GBF1: variants seen among roughly 807,000 people sequenced by gnomAD.
GBF1 encodes golgi brefeldin A resistant guanine nucleotide exchange factor 1.
A neutral mutation model predicts 210.5 loss-of-function variants in GBF1; 114 were observed. That is an observed-to-expected ratio of 0.54 (90% CI 0.47 to 0.63). GBF1 has a LOEUF of 0.63. GBF1 is among the 30% of genes least tolerant of loss of function. The pLI is 0.00. For synonymous variants in GBF1, 850 were observed against 889.2 expected (o/e 0.96, Z 0.78); for missense variants, 1,851 against 2,357.7 (o/e 0.79, Z 4.45).
chr10:102,370,185 A>C lies in GBF1; in HGVS notation c.3351A>C (p.Pro1117=). ...VALECIKQCD[P]EKMITESKFL... ...TTTGCCCTCTCTAGCAATGTGACCCAGAAAAAATGATCACAGAAAGCAAGT... is the reference window on the plus strand; with the variant it reads ...TTTGCCCTCTCTAGCAATGTGACCCCGAAAAAATGATCACAGAAAGCAAGT... Residue 1117 remains proline (P), a synonymous_variant, in exon 27 of 40, where the codon CCA becomes CCC. Transcript: ENST00000369983. 6.2e-7 allele frequency: 1 copy of C among 1,611,624 alleles called. No homozygotes were observed. Among genetic ancestry groups the C allele is most frequent in the Non-Finnish European group, 8.5e-7 (1 of 1,177,698 alleles).
intron 3 of GBF1, among the ~76,000 whole-genome samples, chr10:102,318,894 C>G (rs114363793): frequency 0.014 from 2,111 of 152,336 alleles, 45 homozygotes; most frequent in African/African-American, 0.049. Flanking sequence ...ATTATCACCC[C>G]ATTTGGTTAA....
At chr10:102,376,505 G>A in intron 31 of GBF1, 55 bp from the exon 32 acceptor site, 1 of 1,611,914 alleles carries the variant, frequency 6.2e-7, no homozygotes, top group Non-Finnish European at 8.5e-7. Flanking sequence ...TCCTCTGCAA[G>A]GACATTCACA....
intron 3 of GBF1, among the ~76,000 whole-genome samples, chr10:102,318,531 G>A (rs1327214232): frequency 2.0e-5 from 3 of 152,110 alleles, no homozygotes; most frequent in East Asian, 1.9e-4. Context: ...TATAAGCAAT[G>A]TGGTATAAAT....
intron 3 of GBF1, among the ~76,000 whole-genome samples, chr10:102,287,094 C>G (rs1387246632): frequency 6.6e-6 from 1 of 152,056 alleles, no homozygotes; most frequent in African/African-American, 2.4e-5. Context: ...TAGGCAATAA[C>G]CACTTTTAAT....
Position 102,376,954 on chromosome 10 carries a change from A to G in GBF1, c.4308A>G (p.Lys1436=), listed in dbSNP as rs1177634927. Reference sequence around the variant, plus strand: ...GCTCAGGATGCAAGTCCCAGGAGAAACGTGGCAAGAGTCACAAATATGACA... The same window carrying G: ...GCTCAGGATGCAAGTCCCAGGAGAAGCGTGGCAAGAGTCACAAATATGACA... ...SLNGGCKSQE[K]RGKSHKYDSK... Residue 1436 remains lysine (K), a synonymous_variant, in exon 33 of 40, where the codon AAA becomes AAG. Transcript: ENST00000369983. 1 of 1,614,182 alleles carries G rather than the reference A, an allele frequency of 6.2e-7. No individual in the cohort carries two copies. Among genetic ancestry groups the G allele is most frequent in the East Asian group, 2.2e-5 (1 of 44,886 alleles).
chr10:102,380,255 C>G lies in GBF1; in HGVS notation c.4885C>G (p.Leu1629Val). 1 of 1,611,830 alleles carries G rather than the reference C, an allele frequency of 6.2e-7. No homozygotes were observed. Among genetic ancestry groups the G allele is most frequent in the Non-Finnish European group, 8.5e-7 (1 of 1,177,946 alleles). The change falls in exon 37 of 40, where the codon CTG (leucine) becomes GTG (valine). Residue 1629 changes from leucine (L) to valine (V), a missense_variant. Around this residue, in one of 3 missense-constraint regions of GBF1, gnomAD observed 967 missense variants for 1,247.7 expected, o/e 0.78. Transcript: ENST00000369983. Reference sequence around the variant, plus strand: ...GGGGGCTGGTGGGCCATAGGTCTTCCTGCAGCACCTGTCTCCACTGCTGTC... The same window carrying G: ...GGGGGCTGGTGGGCCATAGGTCTTCGTGCAGCACCTGTCTCCACTGCTGTC... ...RASTLLSKVF[L>V]QHLSPLLSLS... is the part of the protein sequence containing the mutation.
chr10:102,258,279 C>T (rs183764758), intron 1 of GBF1, among the ~76,000 whole-genome samples: 32 of 150,890 alleles, frequency 2.1e-4, no homozygotes, highest in East Asian at 2.0e-4. Flanking sequence ...CTCAGCCTCC[C>T]GGGTGGCTGA....
intron 3 of GBF1, among the ~76,000 whole-genome samples, chr10:102,343,799 CA>C (rs56360033): frequency 0.68 from 84,071 of 124,286 alleles, 27,105 homozygotes; most frequent in African/African-American, 0.81. Context: ...CTCTGTCTGA[CA>C]AAAAAAAAAA....
At chr10:102,339,545 T>C (rs987069643) in intron 3 of GBF1, among the ~76,000 whole-genome samples, 8 of 149,008 alleles carry the variant, frequency 5.4e-5, no homozygotes, top group African/African-American at 7.5e-5. Flanking sequence ...CACGTTCCTG[T>C]AGTCCCAGCT....
At chr10:102,246,204 T>A (rs1272034602) in intron 1 of GBF1, among the ~76,000 whole-genome samples, 1 of 152,194 alleles carries the variant, frequency 6.6e-6, no homozygotes, top group Admixed American at 6.5e-5. Context: ...AGCGTCTACT[T>A]CTTTGTGATT....
In GBF1 at chr10:102,368,811, A is replaced by G; in HGVS notation, c.2952A>G (p.Lys984=). 6.2e-7 allele frequency: 1 copy of G among 1,611,144 alleles called. No individual in the cohort carries two copies. The highest frequency in any genetic ancestry group is 8.5e-7 in the Non-Finnish European group (1 of 1,177,382). The change falls in exon 23 of 40, where the codon AAA becomes AAG. Residue 984 remains lysine (K), a synonymous_variant. Transcript: ENST00000369983. The part of the protein sequence containing the change: ...VFDNLIISLC[K]FTALSSESIE... Reference sequence around the variant, plus strand: ...ACAATCTCATCATCTCTCTATGCAAATTCACAGCTCTCAGCAGTGAGGTGA... The same window carrying G: ...ACAATCTCATCATCTCTCTATGCAAGTTCACAGCTCTCAGCAGTGAGGTGA...
rs368631852 is a variant in GBF1 at position 102,368,384 on chromosome 10, G to A, written c.2809G>A (p.Ala937Thr). ...LFTMTWGPTIAALSYVFDKSL... is the reference protein window; with the variant it reads ...LFTMTWGPTITALSYVFDKSL... ...CACCATGACCTGGGGCCCCACTATT[G>A]CTGCTCTCTCTTATGTCTTTGACAA... is the stretch of plus-strand genomic sequence containing the variant. The change falls in exon 22 of 40, where the codon GCT (alanine) becomes ACT (threonine). Residue 937 changes from alanine to threonine, a missense_variant. Around this residue, in one of 3 missense-constraint regions of GBF1, gnomAD observed 967 missense variants for 1,247.7 expected, o/e 0.78. Coordinates refer to ENST00000369983, the MANE Select transcript of GBF1 (RefSeq NM_001377137.1). The A allele has an allele frequency of 6.2e-7, 1 of 1,613,914 alleles. No homozygotes were observed. The highest frequency in any genetic ancestry group is 1.3e-5 in the African/African-American group (1 of 74,916).
intron 4 of GBF1, among the ~76,000 whole-genome samples, chr10:102,349,746 G>A (rs1244852053): frequency 5.9e-5 from 9 of 152,092 alleles, no homozygotes; most frequent in Non-Finnish European, 1.0e-4. Context: ...GCAGACCTAG[G>A]GCAGGAGCTA....
intron 3 of GBF1, among the ~76,000 whole-genome samples, chr10:102,322,568 G>A (rs2056497579): frequency 6.6e-6 from 1 of 151,810 alleles, no homozygotes; most frequent in Non-Finnish European, 1.5e-5. Context: ...TACATTATAT[G>A]CCCATGACAA....
At position 102,359,264 on chromosome 10, in the gene GBF1, T is replaced by C; in HGVS notation, c.1012-3T>C. On this transcript the variant is annotated splice_polypyrimidine_tract_variant and splice_region_variant and intron_variant, in intron 10 of 39. Coordinates refer to ENST00000369983, the MANE Select transcript of GBF1 (RefSeq NM_001377137.1). The stretch of plus-strand genomic sequence containing the variant: ...TCCCATATCTCCCTGCTACTGGTCA[T>C]AGCAGGAAGGGACCCATGTGGAAAA... The C allele has an allele frequency of 1.2e-6, 2 of 1,607,000 alleles. No homozygotes were observed. The highest frequency in any genetic ancestry group is 1.7e-6 in the Non-Finnish European group (2 of 1,173,514).
At chr10:102,270,326 C>T (rs550794455) in intron 3 of GBF1, among the ~76,000 whole-genome samples, 11 of 152,012 alleles carry the variant, frequency 7.2e-5, no homozygotes, top group African/African-American at 2.2e-4. Context: ...CGGGCCACCA[C>T]GCCCAGCTAA....
intron 4 of GBF1, among the ~76,000 whole-genome samples, chr10:102,351,028 AG>A (rs1280309299): frequency 6.6e-6 from 1 of 151,644 alleles, no homozygotes; most frequent in Non-Finnish European, 1.5e-5. Flanking sequence ...CGGAGGTTGC[AG>A]TAAGCTGAGA....
chr10:102,261,969 C>G (rs2073292091), intron 3 of GBF1, among the ~76,000 whole-genome samples: 1 of 152,124 alleles, frequency 6.6e-6, no homozygotes, highest in African/African-American at 2.4e-5. Flanking sequence ...ACTGTAACTT[C>G]TGCTTCTTGG....
rs775844296 is a variant in GBF1 at position 102,352,546 on chromosome 10, C to T, written c.584+28C>T. The T allele has an allele frequency of 1.0e-5, 16 of 1,551,088 alleles. No individual in the cohort carries two copies. In the East Asian group the frequency reaches 2.2e-4, roughly 22 times the overall value. On this transcript the variant is annotated intron_variant, in intron 7 of 39. Transcript: ENST00000369983. ...AAACCTGCTGCTGTTTGCTTCAGCC[C>T]GGCTGCCCAGGCCTCTTGAGTCTGC... is the stretch of plus-strand genomic sequence containing the variant.
Sources: gnomAD v4.1 joint callset for allele counts (sites outside exome capture counted in the v4.1 genomes callset) on GRCh38, gnomAD v4.1.1 for gene constraint, gnomAD v4.1.1 regional missense constraint, MANE v1.5 for transcripts, NCBI Gene and HGNC (gene_info 2026-07-23, HGNC 2026-07-21) for gene names.